ZBTB41: variants seen among roughly 807,000 people sequenced by gnomAD.
The protein encoded by ZBTB41 is zinc finger and BTB domain-containing protein 41.
Under a neutral mutation model 87.6 loss-of-function variants are expected in ZBTB41, and 42 were observed. The observed-to-expected ratio is 0.48, with a 90% CI of 0.37 to 0.62. The LOEUF is 0.62. Among genes scored for constraint, ZBTB41 ranks in the 20% least tolerant of loss-of-function variants. The pLI is 0.00. For missense variants in ZBTB41, 799 were observed against 1,078.9 expected, an observed-to-expected ratio of 0.74 and a Z score of 3.63; for synonymous variants, 364 against 364.0, an observed-to-expected ratio of 1.00 and a Z score of 0.00.
chr1:197,189,191 A>G (rs1018658066), intron 4 of ZBTB41, among the ~76,000 whole-genome samples: 8 of 152,278 alleles, frequency 5.3e-5, no homozygotes, highest in African/African-American at 1.9e-4. Flanking sequence ...ATCTTGGATT[A>G]AAGAAGGCAA....
rs1425995849 is a variant in ZBTB41, at chr1:197,199,988, TGCA to T, written c.483_485del (p.Ala162del). 1 of 1,613,626 alleles carries T rather than the reference TGCA, an allele frequency of 6.2e-7. No homozygotes were observed. The highest frequency in any genetic ancestry group is 8.5e-7 in the Non-Finnish European group (1 of 1,179,886). On this transcript the variant is annotated inframe_deletion, in exon 2 of 11. Coordinates refer to ENST00000367405, the MANE Select transcript of ZBTB41 (RefSeq NM_194314.3). ...CTGCATCTATAATGTCCAAAAATTT[TGCA>T]GCCTCTAAAACAAGAGGTATTTCAT...
intron 8 of ZBTB41, among the ~76,000 whole-genome samples, chr1:197,175,742 A>G (rs901201071): frequency 3.3e-5 from 5 of 151,788 alleles, no homozygotes; most frequent in Non-Finnish European, 5.9e-5. Flanking sequence ...CTCTAGACTT[A>G]GAAATTAAGA....
chr1:197,196,681 C>T (rs914138291), intron 2 of ZBTB41, among the ~76,000 whole-genome samples: 4 of 152,182 alleles, frequency 2.6e-5, no homozygotes, highest in African/African-American at 9.6e-5. Flanking sequence ...GTATACACCT[C>T]TGTAGAACAT....
rs1443087570 is a variant in ZBTB41, at chr1:197,191,549, A to C, written c.1328+143T>G. 8 of 625,578 alleles carry C rather than the reference A, an allele frequency of 1.3e-5. No individual in the cohort carries two copies. In the East Asian group the frequency reaches 2.5e-4, roughly 19 times the overall value. 38.8% of individuals were successfully genotyped at this position (625,578 alleles called of 1,614,324 possible). ...CAGACTTGCCAAAACCCAAGAAAGA[A>C]AACAGGATAATCAAAATACTGTATC... is the stretch of plus-strand genomic sequence containing the variant. On this transcript the variant is annotated intron_variant, in intron 3 of 10. Transcript: ENST00000367405.
rs752777062 is a variant in ZBTB41, at chr1:197,159,736, T to C, written c.2353A>G (p.Met785Val). 1 of 1,613,990 alleles carries C rather than the reference T, an allele frequency of 6.2e-7. No homozygotes were observed. Among genetic ancestry groups the C allele is most frequent in the South Asian group, 1.1e-5 (1 of 91,076 alleles). The stretch of plus-strand genomic sequence containing the variant: ...GACTGATAAACTTTGGGCTGGTCCA[T>C]ATATTGTTTTGTTTCTGTTTGAAAG... ...KIFQTETKQY[M>V]DQPKVYQSEA... The change falls in exon 11 of 11, where the codon ATG becomes GTG. Residue 785 changes from methionine (M) to valine (V), a missense_variant. Transcript: ENST00000367405.
intron 2 of ZBTB41, 150 bp from the exon 3 acceptor site, chr1:197,192,049 T>C (rs2125139121): frequency 1.8e-6 from 1 of 545,036 alleles, no homozygotes; most frequent in African/African-American, 1.9e-5. Flanking sequence ...CGTAAATTTC[T>C]ACCTCTGATA....
chr1:197,179,698 T>C (rs1214486314), intron 6 of ZBTB41, among the ~76,000 whole-genome samples: 2 of 151,984 alleles, frequency 1.3e-5, no homozygotes, highest in South Asian at 4.1e-4. Context: ...ATCCTGACCC[T>C]GTGTAGGCCT....
At chr1:197,161,102 A>G (rs186356125) in intron 10 of ZBTB41, among the ~76,000 whole-genome samples, 2 of 152,202 alleles carry the variant, frequency 1.3e-5, no homozygotes, top group East Asian at 3.9e-4. Flanking sequence ...ATTATTCCCT[A>G]TAGCCCCTGG....
In ZBTB41 at chr1:197,188,335, T is replaced by C. The variant is rs757270448; in HGVS notation, c.1503A>G (p.Lys501=). 6.2e-7 allele frequency: 1 copy of C among 1,613,826 alleles called. No individual in the cohort carries two copies. Reference sequence around the variant, plus strand: ...GATGCTTTAACCGAGCAAACCGTGATTTAAAATGTTCTTCACAATAGGTAC... The same window carrying C: ...GATGCTTTAACCGAGCAAACCGTGACTTAAAATGTTCTTCACAATAGGTAC... ...FKCTYCEEHF[K]SRFARLKHQE... is the part of the protein sequence containing the mutation. The change falls in exon 5 of 11, where the codon AAA becomes AAG. Residue 501 remains lysine (K), a synonymous_variant. Transcript: ENST00000367405.
At chr1:197,177,080 C>T (rs1017395774) in intron 7 of ZBTB41, among the ~76,000 whole-genome samples, 10 of 152,070 alleles carry the variant, frequency 6.6e-5, no homozygotes, top group Admixed American at 6.6e-5. Context: ...AGTGACTAGG[C>T]ATATCATGAT....
intron 10 of ZBTB41, among the ~76,000 whole-genome samples, chr1:197,165,047 AT>A (rs1477417031): frequency 1.4e-5 from 2 of 147,850 alleles, no homozygotes; most frequent in Non-Finnish European, 3.0e-5. Context: ...ATTTACAATC[AT>A]GGTTACAGTA....
intron 10 of ZBTB41, among the ~76,000 whole-genome samples, chr1:197,171,676 A>G (rs923822031): frequency 5.3e-5 from 8 of 152,024 alleles, no homozygotes; most frequent in African/African-American, 1.9e-4. Flanking sequence ...GCCTTTTACT[A>G]TAACTACCTA....
intron 6 of ZBTB41, among the ~76,000 whole-genome samples, chr1:197,179,968 T>C (rs1030691956): frequency 2.6e-5 from 4 of 152,022 alleles, no homozygotes. Context: ...GAAACCTAAA[T>C]GTACAGTGTT....
chr1:197,173,145 A>G (rs1659519071), intron 9 of ZBTB41, among the ~76,000 whole-genome samples: 1 of 152,100 alleles, frequency 6.6e-6, no homozygotes, highest in Non-Finnish European at 1.5e-5. Flanking sequence ...CTCAGAAGCA[A>G]TTCATATGGA....
chr1:197,176,729 A>C, intron 7 of ZBTB41, 59 bp from the exon 8 acceptor site: 1 of 1,170,950 alleles, frequency 8.5e-7, no homozygotes. Flanking sequence ...GAAAAAGCTC[A>C]ATAATGAATA....
Position 197,200,540 on chromosome 1 carries a change from G to GATT in ZBTB41, c.-70_-68dup. On this transcript the variant is annotated 5_prime_UTR_variant, in exon 2 of 11. Coordinates refer to ENST00000367405, the MANE Select transcript of ZBTB41 (RefSeq NM_194314.3). ...TTAAGTGATTTATAAAGGAAAACTA[G>GATT]ATTGTCTTGGATAACAGCTTCTGAA... 6.9e-7 allele frequency: 1 copy of GATT among 1,446,374 alleles called. No homozygotes were observed. Among genetic ancestry groups the GATT allele is most frequent in the South Asian group, 1.5e-5 (1 of 68,628 alleles). The allele number at this position is 1,446,374 out of a possible 1,614,324, so 89.6% of individuals were successfully genotyped here.
chr1:197,159,594 G>A lies in ZBTB41; in HGVS notation c.2495C>T (p.Pro832Leu). ...SDLVRHTTTL[P>L]PSSHEILSPQ... is the part of the protein sequence containing the mutation. The stretch of plus-strand genomic sequence containing the variant: ...TGACAGAATCTCATGAGAAGATGGT[G>A]GGAGTGTGGTAGTATGACGCACTAG... Residue 832 changes from proline (P) to leucine (L), a missense_variant, in exon 11 of 11, where the codon CCA becomes CTA. Transcript: ENST00000367405. 1.2e-6 allele frequency: 2 copies of A among 1,613,952 alleles called. No homozygotes were observed. Among genetic ancestry groups the A allele is most frequent in the Non-Finnish European group, 1.7e-6 (2 of 1,179,874 alleles).
At chr1:197,198,385 A>G (rs1002627234) in intron 2 of ZBTB41, among the ~76,000 whole-genome samples, 2 of 152,150 alleles carry the variant, frequency 1.3e-5, no homozygotes, top group Non-Finnish European at 2.9e-5. Context: ...TCCTTAAAAA[A>G]CCAATTTCCG....
intron 4 of ZBTB41, among the ~76,000 whole-genome samples, chr1:197,188,924 A>C (rs1379921916): frequency 1.3e-5 from 2 of 152,220 alleles, no homozygotes; most frequent in African/African-American, 4.8e-5. Flanking sequence ...CAGCACCAAC[A>C]ATAATGACAT....
Sources: gnomAD v4.1 joint callset for allele counts (sites outside exome capture counted in the v4.1 genomes callset) on GRCh38, gnomAD v4.1.1 for gene constraint, MANE v1.5 for transcripts, NCBI Gene and HGNC (gene_info 2026-07-23, HGNC 2026-07-21) for gene names.